The following BAHD1 variants were observed in gnomAD, a reference collection of about 807,000 sequenced individuals.
BAHD1 encodes bromo adjacent homology domain containing 1, also known as bromo adjacent homology domain-containing 1 protein.
BAHD1 carries 20 observed loss-of-function variants against 63.1 expected under a neutral mutation model. The observed-to-expected ratio is 0.32, with a 90% CI of 0.22 to 0.46. The LOEUF (loss-of-function observed/expected upper bound fraction) is 0.46. BAHD1 is among the 20% of genes least tolerant of loss of function. BAHD1 has a pLI of 1.00. For synonymous variants in BAHD1, 408 were observed against 426.8 expected (o/e 0.96, Z 0.54); for missense variants, 939 against 1,071.8 (o/e 0.88, Z 1.73).
rs186390839 is a variant in BAHD1 at position 40,448,657 on chromosome 15, C to T, written c.-15+7389C>T. Among the ~76,000 whole-genome samples, 606 of 152,290 alleles carry T rather than the reference C, an allele frequency of 4.0e-3. 1 individual carries two copies. The highest frequency in any genetic ancestry group is 0.014 in the African/African-American group (586 of 41,556). ...GCTCAAGTGATCCTCCCACCTCAGC[C>T]TCCTAAGTAGCTGGGACTACAGGCA... On this transcript the variant is annotated intron_variant, in intron 1 of 6. Transcript: ENST00000416165.
intron 1 of BAHD1, among the ~76,000 whole-genome samples, chr15:40,451,234 G>A (rs1268804175): frequency 6.6e-6 from 1 of 150,578 alleles, no homozygotes; most frequent in Non-Finnish European, 1.5e-5. Flanking sequence ...ATTTCTCAGA[G>A]TGCTGCCCAC....
At position 40,458,362 on chromosome 15, in the gene BAHD1, C is replaced by T. The variant is rs1050301741; in HGVS notation, c.-14-89C>T. ...GTAGTTGTAGGCCAGGATCACTGCA[C>T]CTGGGGCTGGGTAGGCTGCAGTGGG... On this transcript the variant is annotated intron_variant, in intron 1 of 6. Coordinates refer to ENST00000416165, the MANE Select transcript of BAHD1 (RefSeq NM_014952.5). This position sits in a 1 kb window ranked among gnomAD's most constrained non-coding sequence, Gnocchi z 4.7. The T allele has an allele frequency of 6.7e-6, 10 of 1,488,244 alleles. No homozygotes were observed. Among genetic ancestry groups the T allele is most frequent in the African/African-American group, 1.4e-5 (1 of 71,104 alleles). 92.2% of individuals were successfully genotyped at this position (1,488,244 alleles called of 1,614,324 possible).
rs1351485611 is a variant in BAHD1, at chr15:40,459,680, C to T, written c.1216C>T (p.Pro406Ser). The T allele has an allele frequency of 1.2e-6, 2 of 1,613,928 alleles. No individual in the cohort carries two copies. Among genetic ancestry groups the T allele is most frequent in the Non-Finnish European group, 1.7e-6 (2 of 1,179,982 alleles). ...CPMLPEGKLS[P>S]VAAPHEEGLL... Reference sequence around the variant, plus strand: ...CATGCTTCCTGAGGGCAAGCTGTCCCCAGTGGCTGCACCTCACGAGGAGGG... The same window carrying T: ...CATGCTTCCTGAGGGCAAGCTGTCCTCAGTGGCTGCACCTCACGAGGAGGG... Residue 406 changes from proline (P) to serine (S), a missense_variant, in exon 2 of 7, where the codon CCA (proline) becomes TCA (serine). Pro to Ser is a moderately conservative substitution (Grantham distance 74). This residue lies in a region of BAHD1 where 797 missense variants were observed against 813.3 expected (regional missense o/e 0.98). Transcript: ENST00000416165.
chr15:40,458,387 G>A lies in BAHD1; in HGVS notation c.-14-64G>A, dbSNP rs748469612. The A allele has an allele frequency of 2.7e-4, 406 of 1,508,754 alleles. No individual in the cohort carries two copies. Among genetic ancestry groups the A allele is most frequent in the Middle Eastern group, 1.3e-3 (6 of 4,728 alleles). The allele number at this position is 1,508,754 out of a possible 1,614,324, so 93.5% of individuals were successfully genotyped here. A position where few individuals can be genotyped will look rare whatever the true frequency, so the allele number is the denominator to read the frequency against. On this transcript the variant is annotated intron_variant, in intron 1 of 6. Transcript: ENST00000416165. This position sits in a 1 kb window ranked among gnomAD's most constrained non-coding sequence, Gnocchi z 4.7. ...CCTGGGGCTGGGTAGGCTGCAGTGG[G>A]AGAGAAAGCAGGCAGGAGCAGGCCA...
chr15:40,455,025 C>T (rs1199239220), intron 1 of BAHD1, among the ~76,000 whole-genome samples: 2 of 152,230 alleles, frequency 1.3e-5, no homozygotes, highest in African/African-American at 2.4e-5. Flanking sequence ...CAAAGCATGA[C>T]TCACACATGC....
chr15:40,438,912 T>C (rs1446543773), upstream of BAHD1, among the ~76,000 whole-genome samples: 3 of 152,214 alleles, frequency 2.0e-5, no homozygotes, highest in African/African-American at 7.2e-5. Flanking sequence ...TCTTGGCCTG[T>C]AGCATGGCTC....
At chr15:40,445,866 T>C (rs1036430106) in intron 1 of BAHD1, among the ~76,000 whole-genome samples, 2 of 152,140 alleles carry the variant, frequency 1.3e-5, no homozygotes, top group Non-Finnish European at 2.9e-5. Flanking sequence ...ACAAGGAGAG[T>C]GTGCTTCGGT....
intron 1 of BAHD1, among the ~76,000 whole-genome samples, chr15:40,445,966 G>A (rs1189175015): frequency 6.6e-6 from 1 of 152,198 alleles, no homozygotes; most frequent in East Asian, 1.9e-4. Context: ...TGTTAACCCT[G>A]AAGTGACAGA....
chr15:40,446,329 C>G (rs901561103), intron 1 of BAHD1, among the ~76,000 whole-genome samples: 4 of 152,222 alleles, frequency 2.6e-5, no homozygotes, highest in Non-Finnish European at 4.4e-5. Flanking sequence ...TCACTGAACA[C>G]CGGCCCAGCC....
chr15:40,449,814 CAAAAAAAAAA>C (rs1053414532), intron 1 of BAHD1, among the ~76,000 whole-genome samples: 4 of 55,148 alleles, frequency 7.3e-5, no homozygotes, highest in African/African-American at 2.5e-4. Flanking sequence ...GACCCTGTCT[CAAAAAAAAAA>C]AAAAAAAAGA....
intron 6 of BAHD1, 31 bp downstream of exon 6, chr15:40,465,466 C>T (rs776018023): frequency 1.0e-5 from 16 of 1,571,682 alleles, no homozygotes; most frequent in Non-Finnish European, 1.3e-5. Context: ...TCTGGCTGGC[C>T]TCTTCCCTCA....
upstream of BAHD1, among the ~76,000 whole-genome samples, chr15:40,438,804 G>A (rs1285572315): frequency 6.6e-6 from 1 of 152,168 alleles, no homozygotes; most frequent in Non-Finnish European, 1.5e-5. Context: ...TTCCTCTTCT[G>A]GCCCTCCCGG....
chr15:40,464,051 G>A (rs1298988743), intron 4 of BAHD1, 31 bp downstream of exon 4: 2 of 1,610,716 alleles, frequency 1.2e-6, no homozygotes, highest in East Asian at 2.2e-5. Flanking sequence ...GGACCCAAGG[G>A]GCAGCTGCCT....
chr15:40,459,951 A>T (rs1412880962), intron 2 of BAHD1, 55 bp downstream of exon 2: 1 of 1,512,670 alleles, frequency 6.6e-7, no homozygotes, highest in African/African-American at 1.4e-5. Context: ...ATGGCATCCC[A>T]GGAGGTTGGG....
At chr15:40,451,145 CAAAA>C (rs397827665) in intron 1 of BAHD1, among the ~76,000 whole-genome samples, 954 of 30,518 alleles carry the variant, frequency 0.031, 14 homozygotes, top group African/African-American at 0.07. Context: ...AACTCCATCT[CAAAA>C]AAAAAAAAAA....
chr15:40,466,256 G>A lies in BAHD1; in HGVS notation c.*126G>A, dbSNP rs529114671. The A allele has an allele frequency of 3.9e-5, 34 of 865,852 alleles. 1 individual carries two copies. Among genetic ancestry groups the A allele is most frequent in the African/African-American group, 3.1e-4 (16 of 52,402 alleles). The allele number at this position is 865,852 out of a possible 1,614,324, so 53.6% of individuals were successfully genotyped here. A position where few individuals can be genotyped will look rare whatever the true frequency, so the allele number is the denominator to read the frequency against. On this transcript the variant is annotated 3_prime_UTR_variant, in exon 7 of 7. Coordinates refer to ENST00000416165, the MANE Select transcript of BAHD1 (RefSeq NM_014952.5). The stretch of plus-strand genomic sequence containing the variant: ...AAGTTTGCTGGCCTGTGGTTTTCTT[G>A]GGGGGGAGGGCAGGGGCCCCTGTGG...
At chr15:40,440,555 G>C (rs1240140381), upstream of BAHD1, among the ~76,000 whole-genome samples, 2 of 149,198 alleles carry the variant, frequency 1.3e-5, no homozygotes, top group Admixed American at 6.6e-5. Flanking sequence ...GGCCAGGGCG[G>C]GGGGAGATAA....
Position 40,462,150 on chromosome 15 carries a change from C to T in BAHD1, c.1671C>T (p.His557=). 6.2e-7 allele frequency: 1 copy of T among 1,612,242 alleles called. No individual in the cohort carries two copies. Among genetic ancestry groups the T allele is most frequent in the Non-Finnish European group, 8.5e-7 (1 of 1,179,986 alleles). Residue 557 remains histidine (H), a synonymous_variant, in exon 3 of 7, where the codon CAC becomes CAT. Coordinates refer to ENST00000416165, the MANE Select transcript of BAHD1 (RefSeq NM_014952.5). ...TGCGCACAGGCTCCAGCTGCAGGCA[C>T]ACTGCAAGGAGCAAGGCTGCCCGCA... The part of the protein sequence containing the change: ...SGLRTGSSCR[H]TARSKAARRP...
At position 40,459,441 on chromosome 15, in the gene BAHD1, C is replaced by T. The variant is rs1879523370; in HGVS notation, c.977C>T (p.Pro326Leu). Residue 326 changes from proline to leucine, a missense_variant, in exon 2 of 7, where the codon CCG becomes CTG. Pro to Leu is a moderately conservative substitution (Grantham distance 98). Transcript: ENST00000416165. ...ATGGGTGGACAGGCGGCTCTGAAGC[C>T]GGAGCCTGGGCGCCCAGGCGAGGAG... ...LLMGGQAALK[P>L]EPGRPGEESP... 3.7e-6 allele frequency: 6 copies of T among 1,613,366 alleles called. No homozygotes were observed. The highest frequency in any genetic ancestry group is 2.2e-5 in the East Asian group (1 of 44,884).
Sources: gnomAD v4.1 joint callset for allele counts (sites outside exome capture counted in the v4.1 genomes callset) on GRCh38, gnomAD v4.1.1 for gene constraint, gnomAD v4.1.1 regional missense constraint, Gnocchi (gnomAD v3.1) non-coding constraint, MANE v1.5 for transcripts, NCBI Gene and HGNC (gene_info 2026-07-23, HGNC 2026-07-21) for gene names.